Variants in NRXN1 observed in about 807,000 individuals in gnomAD.
NRXN1 encodes the protein neurexin 1.
NRXN1 carries 39 observed loss-of-function variants against 150.9 expected under a neutral mutation model. The ratio of observed to expected loss-of-function variants is 0.26; its 90% CI spans 0.20 to 0.34. NRXN1 has a LOEUF of 0.34. Ranked by LOEUF, NRXN1 falls within the 10% of genes least tolerant of loss-of-function variation. The pLI, the probability that NRXN1 is intolerant of heterozygous loss-of-function variation, is 1.00. For synonymous variants in NRXN1, 924 were observed against 757.0 expected, an observed-to-expected ratio of 1.22 and a Z score of -3.62; for missense variants, 1,815 against 1,949.9, an observed-to-expected ratio of 0.93 and a Z score of 1.30.
intron 17 of NRXN1, among the ~76,000 whole-genome samples, chr2:50,447,956 A>C (rs907535138): frequency 6.6e-6 from 1 of 151,514 alleles, no homozygotes; most frequent in Non-Finnish European, 1.5e-5. Context: ...AAGCAAGTAA[A>C]GTGTATCGTA....
intron 2 of NRXN1, among the ~76,000 whole-genome samples, chr2:50,958,135 G>A (rs1400444875): frequency 3.3e-5 from 5 of 152,246 alleles, no homozygotes; most frequent in African/African-American, 4.8e-5. Context: ...ATCAGTCCTG[G>A]AAATGGGACC....
intron 5 of NRXN1, among the ~76,000 whole-genome samples, chr2:50,746,742 T>C (rs1700074761): frequency 6.6e-6 from 1 of 152,096 alleles, no homozygotes; most frequent in African/African-American, 2.4e-5. Context: ...TGTCAGAGGC[T>C]CTTAAGGCTC....
intron 5 of NRXN1, among the ~76,000 whole-genome samples, chr2:50,736,918 T>G (rs1393803076): frequency 6.6e-6 from 1 of 152,140 alleles, no homozygotes; most frequent in Non-Finnish European, 1.5e-5. Flanking sequence ...CAACAAATAC[T>G]TGCCAAATGA....
chr2:50,181,552 C>G (rs1574358996), intron 18 of NRXN1, among the ~76,000 whole-genome samples: 1 of 152,164 alleles, frequency 6.6e-6, no homozygotes, highest in East Asian at 1.9e-4. Flanking sequence ...ACTGGTAAAG[C>G]AATTCATTGC....
intron 8 of NRXN1, chr2:50,616,263 T>G (rs1679042424): frequency 6.6e-6 from 1 of 152,166 alleles, no homozygotes; most frequent in Non-Finnish European, 1.5e-5. Context: ...CATATGAAGT[T>G]CAGGTTAGGT....
At chr2:50,365,360 A>G (rs2079512977) in intron 17 of NRXN1, among the ~76,000 whole-genome samples, 1 of 152,064 alleles carries the variant, frequency 6.6e-6, no homozygotes, top group African/African-American at 2.4e-5. Flanking sequence ...ACATTCATGG[A>G]GGAATAAAAC....
At chr2:50,236,612 C>T (rs969708627) in intron 18 of NRXN1, among the ~76,000 whole-genome samples, 177 bp downstream of exon 18, 34 of 149,350 alleles carry the variant, frequency 2.3e-4, no homozygotes, top group African/African-American at 6.2e-4. Flanking sequence ...TTGTAAAGAA[C>T]GCGATTAACT....
intron 15 of NRXN1, among the ~76,000 whole-genome samples, chr2:50,486,690 G>A (rs1558814652): frequency 6.6e-6 from 1 of 152,140 alleles, no homozygotes; most frequent in Admixed American, 6.5e-5. Flanking sequence ...AGAGGGAGGA[G>A]AGAACTTCCC....
chr2:50,346,994 TG>T lies in NRXN1; in HGVS notation c.3365-110025del. The T allele has an allele frequency of 7.4e-7, 1 of 1,359,412 alleles. No individual in the cohort carries two copies. Among genetic ancestry groups the T allele is most frequent in the Non-Finnish European group, 9.5e-7 (1 of 1,056,840 alleles). The allele number at this position is 1,359,412 out of a possible 1,614,324, so 84.2% of individuals were successfully genotyped here. ...GGCAGCCGCCGCGGGAGGCAAAGTT[TG>T]GGGCGCGGGGAGAGGAGAGGGCGCA... is the stretch of plus-strand genomic sequence containing the variant. On this transcript the variant is annotated intron_variant, in intron 17 of 22. Transcript: ENST00000401669. This position sits in a 1 kb window ranked among gnomAD's most constrained non-coding sequence, Gnocchi z 5.0.
chr2:49,973,490 C>CT (rs1257127209), intron 21 of NRXN1, among the ~76,000 whole-genome samples: 14 of 152,112 alleles, frequency 9.2e-5, no homozygotes, highest in African/African-American at 3.4e-4. Flanking sequence ...TGGTCAGAAT[C>CT]TAAGCATATT....
intron 17 of NRXN1, among the ~76,000 whole-genome samples, chr2:50,320,347 G>T (rs2075948002): frequency 8.6e-6 from 1 of 116,000 alleles, no homozygotes; most frequent in Non-Finnish European, 1.7e-5. Flanking sequence ...TTAGCATCAG[G>T]TTAGTCTGGG....
At chr2:50,126,038 C>A (rs574822267) in intron 18 of NRXN1, among the ~76,000 whole-genome samples, 1 of 152,004 alleles carries the variant, frequency 6.6e-6, no homozygotes, top group South Asian at 2.1e-4. Flanking sequence ...CGAAGCAGAA[C>A]AATAGCAGGA....
chr2:50,821,884 C>G (rs1250142916), intron 5 of NRXN1, among the ~76,000 whole-genome samples: 1 of 152,006 alleles, frequency 6.6e-6, no homozygotes, highest in Admixed American at 6.6e-5. Flanking sequence ...CTCAGAGACT[C>G]CAAATCTACT....
chr2:50,368,974 A>G (rs1371787034), intron 17 of NRXN1, among the ~76,000 whole-genome samples: 1 of 151,972 alleles, frequency 6.6e-6, no homozygotes, highest in Non-Finnish European at 1.5e-5. Context: ...TTTAGGTTTA[A>G]TTGTCAGCCA....
Position 50,755,927 on chromosome 2 carries a change from G to A in NRXN1, c.833-132312C>T, listed in dbSNP as rs114494520. On this transcript the variant is annotated intron_variant, in intron 5 of 22. Coordinates refer to ENST00000401669, the MANE Select transcript of NRXN1 (RefSeq NM_001330078.2). The stretch of plus-strand genomic sequence containing the variant: ...CTGCATTTTTATGCAGTGAAATCGG[G>A]ATAATGTGGAAATCAAGGTCGCTTT... 3.5e-3 allele frequency among the ~76,000 whole-genome samples: 528 copies of A among 151,926 alleles called. 4 individuals are homozygous for A. Among genetic ancestry groups the A allele is most frequent in the African/African-American group, 0.011 (475 of 41,504 alleles).
chr2:50,942,319 G>T (rs1261145213), intron 2 of NRXN1, among the ~76,000 whole-genome samples: 1 of 152,210 alleles, frequency 6.6e-6, no homozygotes, highest in Non-Finnish European at 1.5e-5. Flanking sequence ...ATATGGGGTT[G>T]GAGCCCCCAC....
chr2:50,784,523 T>G (rs1040236060), intron 5 of NRXN1, among the ~76,000 whole-genome samples: 2 of 152,056 alleles, frequency 1.3e-5, no homozygotes, highest in Admixed American at 1.3e-4. Flanking sequence ...AATTCATTAT[T>G]ATTAATTAAA....
Position 50,696,399 on chromosome 2 carries a change from A to G in NRXN1, c.833-72784T>C, listed in dbSNP as rs567134032. 1.9e-4 allele frequency: 29 copies of G among 152,738 alleles called. No homozygotes were observed. In the South Asian group the frequency reaches 6.0e-3, roughly 32 times the overall value. 9.5% of individuals were successfully genotyped at this position (152,738 alleles called of 1,614,324 possible). ...AAAAACAGTCTCAGAAGTAAGTAAT[A>G]TTCTGATGGAGAGTTAGAAAAGAAA... On this transcript the variant is annotated intron_variant, in intron 5 of 22. Coordinates refer to ENST00000401669, the MANE Select transcript of NRXN1 (RefSeq NM_001330078.2).
chr2:50,576,922 T>C (rs1196834282), intron 8 of NRXN1, among the ~76,000 whole-genome samples: 2 of 152,130 alleles, frequency 1.3e-5, no homozygotes, highest in African/African-American at 2.4e-5. Flanking sequence ...TAGTAAATAC[T>C]GCACCTCTAT....
Sources: gnomAD v4.1 joint callset for allele counts (sites outside exome capture counted in the v4.1 genomes callset) on GRCh38, gnomAD v4.1.1 for gene constraint, Gnocchi (gnomAD v3.1) non-coding constraint, MANE v1.5 for transcripts, NCBI Gene and HGNC (gene_info 2026-07-23, HGNC 2026-07-21) for gene names.